Variants in SGCD observed in about 807,000 individuals in gnomAD.
The protein encoded by SGCD is delta-sarcoglycan.
SGCD carries 18 observed loss-of-function variants against 36.6 expected under a neutral mutation model. The observed-to-expected ratio is 0.49, with a 90% confidence interval of 0.34 to 0.73. The LOEUF is 0.73. Ranked by LOEUF, SGCD falls within the 30% of genes least tolerant of loss-of-function variation. The pLI is 0.01. For synonymous variants in SGCD, 133 were observed against 130.6 expected (o/e 1.02, Z -0.12); for missense variants, 387 against 346.7 (o/e 1.12, Z -0.92).
chr5:156,716,823 CT>C (rs1328863936), intron 7 of SGCD, among the ~76,000 whole-genome samples: 2 of 152,210 alleles, frequency 1.3e-5, no homozygotes, highest in Admixed American at 1.3e-4. Context: ...ATTTACACAT[CT>C]GTTCCTCCTC....
At chr5:156,608,698 T>C (rs534465869) in intron 6 of SGCD, among the ~76,000 whole-genome samples, 3 of 152,354 alleles carry the variant, frequency 2.0e-5, no homozygotes, top group African/African-American at 7.2e-5. Context: ...TGTAGGTCTC[T>C]AAGGACTTGC....
chr5:156,511,159 A>G (rs994950649), intron 4 of SGCD, among the ~76,000 whole-genome samples: 1 of 152,254 alleles, frequency 6.6e-6, no homozygotes, highest in African/African-American at 2.4e-5. Context: ...TGGTTTTAAT[A>G]ACTTTTTTTC....
intron 3 of SGCD, among the ~76,000 whole-genome samples, chr5:156,187,764 G>A (rs1440981938): frequency 6.6e-6 from 1 of 152,140 alleles, no homozygotes; most frequent in African/African-American, 2.4e-5. Flanking sequence ...AATGAGATGA[G>A]GATGGAACTG....
chr5:156,445,377 T>C (rs1259921964), intron 3 of SGCD, among the ~76,000 whole-genome samples: 1 of 152,094 alleles, frequency 6.6e-6, no homozygotes, highest in East Asian at 1.9e-4. Context: ...AAGGTCAAAA[T>C]GGTTACAAAA....
At chr5:156,393,718 C>T (rs1370755745) in intron 3 of SGCD, 1 of 456,166 alleles carries the variant, frequency 2.2e-6, no homozygotes, top group South Asian at 1.5e-5. Context: ...TAGTTACTAA[C>T]AAAGTGCTGT....
rs139531337 is a variant in SGCD, at chr5:155,957,056, TA to T, written c.-282+86633del. Among the ~76,000 whole-genome samples the T allele has an allele frequency of 7.9e-3, 1,194 of 152,084 alleles. 8 individuals carry two copies. Among genetic ancestry groups the T allele is most frequent in the Middle Eastern group, 0.02 (6 of 294 alleles). The stretch of plus-strand genomic sequence containing the variant: ...GATCAATAAAGGTGACAGAGGGTGA[TA>T]GGAGTGCAGAAGTGATGCGGTTTTG... On this transcript the variant is annotated intron_variant, in intron 1 of 9. Coordinates refer to the SGCD transcript ENST00000517913.
At chr5:156,074,377 A>T (rs1218219439) in intron 1 of SGCD, among the ~76,000 whole-genome samples, 1 of 152,212 alleles carries the variant, frequency 6.6e-6, no homozygotes, top group Non-Finnish European at 1.5e-5. Context: ...CTGAAAGATC[A>T]AAATCTCAAA....
At chr5:156,459,930 C>G (rs1371607459) in intron 3 of SGCD, among the ~76,000 whole-genome samples, 1 of 152,124 alleles carries the variant, frequency 6.6e-6, no homozygotes, top group Non-Finnish European at 1.5e-5. Flanking sequence ...CTTTAGATAA[C>G]CCCTCCTCCT....
intron 1 of SGCD, among the ~76,000 whole-genome samples, chr5:156,068,655 G>C (rs925836981): frequency 6.6e-6 from 1 of 151,714 alleles, no homozygotes. Flanking sequence ...GGATGGCTGG[G>C]TCAAATGGTA....
intron 3 of SGCD, among the ~76,000 whole-genome samples, chr5:156,365,604 A>G (rs1480029976): frequency 3.3e-5 from 5 of 152,232 alleles, no homozygotes; most frequent in African/African-American, 1.2e-4. Flanking sequence ...ATACATATGC[A>G]TACATGTATG....
chr5:156,732,789 G>A (rs1214485816), intron 7 of SGCD, among the ~76,000 whole-genome samples: 4 of 152,096 alleles, frequency 2.6e-5, no homozygotes, highest in Non-Finnish European at 5.9e-5. Flanking sequence ...GGTCTATTCA[G>A]GGAGTCAGTG....
At chr5:156,554,110 C>T (rs1053368497) in intron 4 of SGCD, among the ~76,000 whole-genome samples, 3 of 152,142 alleles carry the variant, frequency 2.0e-5, no homozygotes, top group East Asian at 1.9e-4. Context: ...AATCCCAGCA[C>T]TTTGGGAAGC....
At chr5:156,020,613 A>G (rs1434823908) in intron 1 of SGCD, among the ~76,000 whole-genome samples, 4 of 152,150 alleles carry the variant, frequency 2.6e-5, no homozygotes, top group Non-Finnish European at 5.9e-5. Flanking sequence ...ATTACTAGCA[A>G]TGAGGATATT....
intron 7 of SGCD, among the ~76,000 whole-genome samples, chr5:156,712,698 ACC>A (rs1755045397): frequency 6.6e-6 from 1 of 151,898 alleles, no homozygotes; most frequent in African/African-American, 2.4e-5. Flanking sequence ...AGCGGAGCAA[ACC>A]CAGGTCTTTG....
chr5:156,477,501 G>C (rs1029623695), intron 3 of SGCD, among the ~76,000 whole-genome samples: 2 of 152,124 alleles, frequency 1.3e-5, no homozygotes, highest in Non-Finnish European at 2.9e-5. Context: ...TAAAAGGAAA[G>C]GGAAGTATTC....
At chr5:156,332,817 A>G (rs1768135179) in intron 2 of SGCD, among the ~76,000 whole-genome samples, 1 of 152,214 alleles carries the variant, frequency 6.6e-6, no homozygotes, top group Non-Finnish European at 1.5e-5. Flanking sequence ...GATTAAGAGG[A>G]GTAATAAGAG....
At chr5:155,802,262 C>A in the SGCD span, among the ~76,000 whole-genome samples, 1 of 152,184 alleles carries the variant, frequency 6.6e-6, no homozygotes, top group Non-Finnish European at 1.5e-5. Context: ...AGATATGAGA[C>A]CACATAAATC....
At chr5:155,942,932 A>G (rs917390656) in intron 1 of SGCD, among the ~76,000 whole-genome samples, 8 of 152,198 alleles carry the variant, frequency 5.3e-5, no homozygotes, top group Non-Finnish European at 1.0e-4. Flanking sequence ...ATCATAGTCT[A>G]TGTTCTTCAT....
intron 3 of SGCD, among the ~76,000 whole-genome samples, chr5:156,234,010 G>A (rs1765090594): frequency 1.3e-5 from 2 of 152,140 alleles, no homozygotes; most frequent in African/African-American, 2.4e-5. Context: ...ATTCTCATCA[G>A]CAGTGAATGA....
Sources: gnomAD v4.1 joint callset for allele counts (sites outside exome capture counted in the v4.1 genomes callset) on GRCh38, gnomAD v4.1.1 for gene constraint, MANE v1.5 for transcripts, NCBI Gene and HGNC (gene_info 2026-07-23, HGNC 2026-07-21) for gene names.